Variants in ERO1B observed in about 807,000 individuals in gnomAD.
The protein encoded by ERO1B is endoplasmic reticulum oxidoreductase 1 beta.
A neutral mutation model predicts 75.3 loss-of-function variants in ERO1B; 49 were observed. That is an observed-to-expected ratio of 0.65 (90% CI 0.52 to 0.83). The LOEUF (loss-of-function observed/expected upper bound fraction) is 0.83, where lower values mean the gene tolerates loss of function less well. Ranked by LOEUF, ERO1B falls within the 40% of genes least tolerant of loss-of-function variation. The probability of loss-of-function intolerance (pLI) is 0.00; values close to 1 mark genes in which losing one functional copy is unlikely to be tolerated. For missense variants in ERO1B, 512 were observed against 560.1 expected, an observed-to-expected ratio of 0.91 and a Z score of 0.87; for synonymous variants, 191 against 192.9, an observed-to-expected ratio of 0.99 and a Z score of 0.08.
chr1:236,232,858 G>A lies in ERO1B; in HGVS notation c.674-19C>T, dbSNP rs1190803634. The A allele has an allele frequency of 6.3e-7, 1 of 1,588,402 alleles. No homozygotes were observed. Among genetic ancestry groups the A allele is most frequent in the Admixed American group, 1.7e-5 (1 of 58,078 alleles). The stretch of plus-strand genomic sequence containing the variant: ...TCTTCGCCTAAAAGAGAAAATAATA[G>A]AAAAGATTTTAGAAAATGTCTTACA... On this transcript the variant is annotated intron_variant, in intron 8 of 15. Coordinates refer to ENST00000354619, the MANE Select transcript of ERO1B (RefSeq NM_019891.4).
intron 2 of ERO1B, among the ~76,000 whole-genome samples, chr1:236,263,022 G>A (rs1198815386): frequency 1.3e-5 from 2 of 152,054 alleles, no homozygotes; most frequent in Non-Finnish European, 2.9e-5. Context: ...TCCATCTTAA[G>A]AATTCCCCAC....
Position 236,265,220 on chromosome 1 carries a change from T to C in ERO1B, c.222+4655A>G, listed in dbSNP as rs115558546. Among the ~76,000 whole-genome samples, 958 of 152,328 alleles carry C rather than the reference T, an allele frequency of 6.3e-3. 10 individuals are homozygous for C. The highest frequency in any genetic ancestry group is 0.022 in the African/African-American group (918 of 41,570). On this transcript the variant is annotated intron_variant, in intron 2 of 15. Transcript: ENST00000354619. ...CCCCATATGCAAGACGTGTTAGCTA[T>C]GCTGATGTTAGGACTGAAATCATCA...
chr1:236,235,680 T>C (rs1664521833), intron 8 of ERO1B, 109 bp downstream of exon 8: 3 of 978,130 alleles, frequency 3.1e-6, no homozygotes, highest in Non-Finnish European at 3.0e-6. Context: ...TTGTTCATCA[T>C]TCAAATTAAA....
intron 2 of ERO1B, among the ~76,000 whole-genome samples, chr1:236,256,633 AG>A (rs990765250): frequency 3.8e-4 from 58 of 152,298 alleles, no homozygotes; most frequent in African/African-American, 1.2e-3. Flanking sequence ...TCCCCCTGCT[AG>A]GGGGGCATGA....
At chr1:236,261,500 A>G (rs569926401) in intron 2 of ERO1B, among the ~76,000 whole-genome samples, 1 of 152,332 alleles carries the variant, frequency 6.6e-6, no homozygotes, top group Admixed American at 6.5e-5. Flanking sequence ...GCATTTCTAT[A>G]CACTAACAAT....
chr1:236,264,677 C>T (rs1218727925), intron 2 of ERO1B, among the ~76,000 whole-genome samples: 1 of 151,908 alleles, frequency 6.6e-6, no homozygotes, highest in African/African-American at 2.4e-5. Context: ...AACCCCATCT[C>T]TACTATAAAT....
At chr1:236,247,502 C>G (rs1664913898) in intron 5 of ERO1B, among the ~76,000 whole-genome samples, 1 of 152,178 alleles carries the variant, frequency 6.6e-6, no homozygotes, top group African/African-American at 2.4e-5. Context: ...CTGCTATCAC[C>G]CTGGTTTAAA....
intron 2 of ERO1B, among the ~76,000 whole-genome samples, chr1:236,257,869 CA>C (rs1233402447): frequency 6.8e-6 from 1 of 147,554 alleles, no homozygotes; most frequent in East Asian, 2.0e-4. Flanking sequence ...GGAAATCATC[CA>C]ATCTGAGGAA....
At chr1:236,229,948 T>C (rs1002150306) in intron 10 of ERO1B, among the ~76,000 whole-genome samples, 2 of 152,204 alleles carry the variant, frequency 1.3e-5, no homozygotes, top group African/African-American at 4.8e-5. Flanking sequence ...TGAATGAACA[T>C]TACATACAGA....
chr1:236,253,564 T>C (rs1665091002), intron 2 of ERO1B, 59 bp from the exon 3 acceptor site: 2 of 1,125,026 alleles, frequency 1.8e-6, no homozygotes, highest in African/African-American at 3.1e-5. Context: ...GCTCTCAAAG[T>C]GTCATTGTGT....
intron 1 of ERO1B, among the ~76,000 whole-genome samples, chr1:236,277,029 T>C (rs541914531): frequency 1.3e-5 from 2 of 152,288 alleles, no homozygotes; most frequent in African/African-American, 4.8e-5. Flanking sequence ...TCGCCAGCCA[T>C]GCTTCCTGTA....
intron 2 of ERO1B, chr1:236,267,635 C>CATG (rs1294683176): frequency 1.3e-5 from 2 of 152,118 alleles, no homozygotes; most frequent in African/African-American, 4.8e-5. Flanking sequence ...ATGAAACTGG[C>CATG]ATGTTCAACC....
At chr1:236,275,759 A>G (rs1304989902) in intron 1 of ERO1B, among the ~76,000 whole-genome samples, 2 of 152,214 alleles carry the variant, frequency 1.3e-5, no homozygotes, top group Non-Finnish European at 2.9e-5. Context: ...GCTCATTATG[A>G]GTAACAAAAG....
Position 236,258,490 on chromosome 1 carries a change from GA to G in ERO1B, c.223-4986del, listed in dbSNP as rs577746511. 7.9e-4 allele frequency among the ~76,000 whole-genome samples: 120 copies of G among 152,282 alleles called. 2 individuals are homozygous for G. In the South Asian group the frequency reaches 0.01, roughly 13 times the overall value. ...AAAAGGGGAAATAAAAACTTTCTCA[GA>G]CAAAACGTAAGGAAATTTATCACCA... On this transcript the variant is annotated intron_variant, in intron 2 of 15. Transcript: ENST00000354619.
At chr1:236,248,862 G>C (rs970731666) in intron 5 of ERO1B, among the ~76,000 whole-genome samples, 1 of 151,860 alleles carries the variant, frequency 6.6e-6, no homozygotes, top group Non-Finnish European at 1.5e-5. Flanking sequence ...GGCAAAAAAT[G>C]TTAATATTTA....
chr1:236,264,486 G>A (rs1332706877), intron 2 of ERO1B, among the ~76,000 whole-genome samples: 7 of 152,100 alleles, frequency 4.6e-5, no homozygotes, highest in African/African-American at 1.7e-4. Flanking sequence ...TCACTTATTA[G>A]TAGGAGGTAA....
At chr1:236,219,453 T>C (rs543868940) in intron 15 of ERO1B, among the ~76,000 whole-genome samples, 10 of 152,344 alleles carry the variant, frequency 6.6e-5, no homozygotes, top group African/African-American at 2.2e-4. Context: ...AAGGAAATTT[T>C]CAATTGTTTT....
intron 1 of ERO1B, among the ~76,000 whole-genome samples, chr1:236,274,921 G>A (rs1032742174): frequency 6.6e-6 from 1 of 152,158 alleles, no homozygotes; most frequent in Non-Finnish European, 1.5e-5. Flanking sequence ...TTTAAAATAG[G>A]ACAGTTACAG....
intron 12 of ERO1B, among the ~76,000 whole-genome samples, chr1:236,226,013 TACTACATAAA>T (rs1664268996): frequency 6.6e-6 from 1 of 152,232 alleles, no homozygotes; most frequent in Non-Finnish European, 1.5e-5. Flanking sequence ...TAAATTTTGA[TACTACATAAA>T]ATTTAGTGAT....
Sources: gnomAD v4.1 joint callset for allele counts (sites outside exome capture counted in the v4.1 genomes callset) on GRCh38, gnomAD v4.1.1 for gene constraint, MANE v1.5 for transcripts, NCBI Gene and HGNC (gene_info 2026-07-23, HGNC 2026-07-21) for gene names.